ROBO2: variants seen among roughly 807,000 people sequenced by gnomAD.
ROBO2 encodes the protein roundabout homolog 2.
Under a neutral mutation model 160.8 loss-of-function variants are expected in ROBO2, and 53 were observed. The ratio of observed to expected loss-of-function variants is 0.33; its 90% CI spans 0.26 to 0.41. The LOEUF is 0.41. Ranked by LOEUF, ROBO2 falls within the 10% of genes least tolerant of loss-of-function variation. The pLI, the probability that ROBO2 is intolerant of heterozygous loss-of-function variation, is 1.00. For synonymous variants in ROBO2, 664 were observed against 611.7 expected (o/e 1.09, Z -1.26); for missense variants, 1,577 against 1,722.4 (o/e 0.92, Z 1.49).
At chr3:77,571,443 C>G (rs929705219) in intron 13 of ROBO2, among the ~76,000 whole-genome samples, 1 of 152,078 alleles carries the variant, frequency 6.6e-6, no homozygotes, top group Non-Finnish European at 1.5e-5. Flanking sequence ...AATGCTTTCA[C>G]TTATATCAGT....
intron 2 of ROBO2, among the ~76,000 whole-genome samples, chr3:76,239,904 C>T (rs1705186047): frequency 6.6e-6 from 1 of 151,986 alleles, no homozygotes; most frequent in South Asian, 2.1e-4. Context: ...TGCAGATTGT[C>T]AGAGAAACCA....
At chr3:76,192,531 CACACACACACACACACA>C in intron 2 of ROBO2, among the ~76,000 whole-genome samples, 1 of 109,782 alleles carries the variant, frequency 9.1e-6, no homozygotes, top group South Asian at 2.9e-4. Flanking sequence ...CCACCACACA[CACACACACACACACACA>C]CACACACACA....
At chr3:76,655,820 A>G (rs1221215739) in intron 2 of ROBO2, among the ~76,000 whole-genome samples, 2 of 151,734 alleles carry the variant, frequency 1.3e-5, no homozygotes, top group African/African-American at 2.4e-5. Flanking sequence ...TTTGGAATAC[A>G]TCATAAACTA....
chr3:77,293,998 A>C (rs1448392147), intron 2 of ROBO2, among the ~76,000 whole-genome samples: 79 of 143,164 alleles, frequency 5.5e-4, no homozygotes, highest in African/African-American at 2.0e-3. Context: ...TGACGGTTAA[A>C]CGGGTACACT....
chr3:75,948,384 ACT>A (rs1169868260), intron 2 of ROBO2, among the ~76,000 whole-genome samples: 1 of 152,064 alleles, frequency 6.6e-6, no homozygotes, highest in Non-Finnish European at 1.5e-5. Flanking sequence ...GCTAATCATG[ACT>A]CTAATAATAA....
At chr3:76,833,719 G>C (rs1043866791) in intron 2 of ROBO2, among the ~76,000 whole-genome samples, 1 of 151,884 alleles carries the variant, frequency 6.6e-6, no homozygotes, top group Non-Finnish European at 1.5e-5. Context: ...CTATCCTCTC[G>C]TAACTTCCCC....
intron 2 of ROBO2, among the ~76,000 whole-genome samples, chr3:76,954,834 A>G (rs1217169752): frequency 6.6e-6 from 1 of 152,224 alleles, no homozygotes; most frequent in East Asian, 1.9e-4. Flanking sequence ...GTCAGAAAGT[A>G]AATAATCAGA....
intron 18 of ROBO2, 50 bp from the exon 20 acceptor site, chr3:77,596,573 A>G: frequency 1.2e-6 from 2 of 1,612,262 alleles, no homozygotes; most frequent in Non-Finnish European, 1.7e-6. Context: ...CGAGTGTCAA[A>G]ATCTTGCATT....
chr3:76,854,363 A>G (rs889780318), intron 2 of ROBO2, among the ~76,000 whole-genome samples: 8 of 152,144 alleles, frequency 5.3e-5, no homozygotes, highest in East Asian at 1.9e-4. Flanking sequence ...TATAGATCCA[A>G]TTCCAAAAGT....
chr3:77,380,561 T>A (rs556044718), intron 2 of ROBO2, among the ~76,000 whole-genome samples: 124 of 152,280 alleles, frequency 8.1e-4, no homozygotes, highest in Non-Finnish European at 1.6e-3. Context: ...ATTCAAAAAT[T>A]AATAGAATTG....
intron 2 of ROBO2, among the ~76,000 whole-genome samples, chr3:77,381,689 A>G (rs2073489142): frequency 6.6e-6 from 1 of 152,234 alleles, no homozygotes; most frequent in Admixed American, 6.5e-5. Context: ...TGAAGAAGAA[A>G]AATGACTTCA....
intron 2 of ROBO2, among the ~76,000 whole-genome samples, chr3:77,430,965 T>C (rs980149534): frequency 6.6e-6 from 1 of 152,208 alleles, no homozygotes; most frequent in Middle Eastern, 3.2e-3. Context: ...TGCATCCCAA[T>C]CTGCTTATTC....
chr3:76,272,793 T>TAG (rs1409740757), intron 2 of ROBO2, among the ~76,000 whole-genome samples: 1 of 23,184 alleles, frequency 4.3e-5, no homozygotes, highest in African/African-American at 7.4e-5. Flanking sequence ...ATATAAAATA[T>TAG]ATATATATAA....
chr3:77,086,565 C>T (rs1468521953), intron 1 of ROBO2, among the ~76,000 whole-genome samples: 1 of 152,140 alleles, frequency 6.6e-6, no homozygotes, highest in Non-Finnish European at 1.5e-5. Flanking sequence ...CCATCCCTTA[C>T]CTCCATTCCA....
At chr3:77,315,988 TA>T (rs2063948896) in intron 2 of ROBO2, among the ~76,000 whole-genome samples, 1 of 152,146 alleles carries the variant, frequency 6.6e-6, no homozygotes, top group Admixed American at 6.5e-5. Context: ...TGGAAGACTT[TA>T]AAATGTACCC....
upstream of ROBO2, among the ~76,000 whole-genome samples, chr3:77,037,805 C>T (rs188896577): frequency 5.3e-5 from 8 of 152,254 alleles, no homozygotes; most frequent in Admixed American, 2.0e-4. Context: ...TGAAATCCTC[C>T]AATGTCTTCC....
At chr3:76,308,060 T>C (rs1011295430) in intron 2 of ROBO2, among the ~76,000 whole-genome samples, 2 of 152,062 alleles carry the variant, frequency 1.3e-5, no homozygotes, top group Non-Finnish European at 2.9e-5. Flanking sequence ...CCTCAGTTTA[T>C]ACTGTACTAA....
intron 2 of ROBO2, among the ~76,000 whole-genome samples, chr3:76,538,488 C>T (rs1422988132): frequency 6.6e-6 from 1 of 152,184 alleles, no homozygotes; most frequent in Non-Finnish European, 1.5e-5. Context: ...ATTTACATCA[C>T]GTACCATTGT....
chr3:77,112,336 C>G (rs1046657218), intron 2 of ROBO2, among the ~76,000 whole-genome samples: 1 of 151,852 alleles, frequency 6.6e-6, no homozygotes, highest in Non-Finnish European at 1.5e-5. Context: ...CTCCACCTCC[C>G]GGATTCAAGC....
Sources: gnomAD v4.1 joint callset for allele counts (sites outside exome capture counted in the v4.1 genomes callset) on GRCh38, gnomAD v4.1.1 for gene constraint, MANE v1.5 for transcripts, NCBI Gene and HGNC (gene_info 2026-07-23, HGNC 2026-07-21) for gene names.